Variants in TEX14 observed in about 807,000 individuals in gnomAD.
TEX14 encodes the protein testis expressed 14, intercellular bridge forming factor, also known as inactive serine/threonine-protein kinase TEX14.
In TEX14, 168 loss-of-function variants were observed where a neutral mutation model predicts 178.6. The observed-to-expected ratio is 0.94, with a 90% CI of 0.83 to 1.07. The LOEUF is 1.07. TEX14 is among the 50% of genes least tolerant of loss of function. TEX14 has a pLI of 0.00. For missense variants in TEX14, 1,730 were observed against 1,753.6 expected (o/e 0.99, Z 0.24); for synonymous variants, 626 against 634.1 (o/e 0.99, Z 0.19).
rs1475402027 is a variant in TEX14, at chr17:58,598,753, C to T, written c.2469+123G>A. 7.0e-6 allele frequency: 7 copies of T among 997,142 alleles called. No homozygotes were observed. The Admixed American group carries it at 9.2e-5, about 13-fold the overall frequency. The allele number at this position is 997,142 out of a possible 1,614,324, so 61.8% of individuals were successfully genotyped here. A position where few individuals can be genotyped will look rare whatever the true frequency, so the allele number is the denominator to read the frequency against. ...TGCCCCTTCCTCCCACTCAGGTTAC[C>T]TGATGGCTTATCTCTGACTGATCCC... is the stretch of plus-strand genomic sequence containing the variant. On this transcript the variant is annotated intron_variant, in intron 14 of 31. Transcript: ENST00000349033.
At chr17:58,624,282 GAC>G (rs1017536696) in intron 3 of TEX14, among the ~76,000 whole-genome samples, 12 of 151,656 alleles carry the variant, frequency 7.9e-5, no homozygotes, top group African/African-American at 2.7e-4. Context: ...GACAGAGCGA[GAC>G]TCTGAATACA....
At chr17:58,574,013 A>G (rs966027049) in intron 22 of TEX14, among the ~76,000 whole-genome samples, 174 bp downstream of exon 22, 1 of 152,210 alleles carries the variant, frequency 6.6e-6, no homozygotes, top group African/African-American at 2.4e-5. Context: ...GTAAGCTGCT[A>G]TTAGTTATAA....
At chr17:58,643,212 G>C (rs1191683423) in intron 2 of TEX14, among the ~76,000 whole-genome samples, 1 of 152,066 alleles carries the variant, frequency 6.6e-6, no homozygotes, top group Non-Finnish European at 1.5e-5. Flanking sequence ...CAATAAAGCT[G>C]GCCTGTATGT....
Position 58,559,483 on chromosome 17 carries a change from A to C in TEX14, c.4237T>G (p.Ser1413Ala). ...EDSITPERRK[S>A]EGVLGTSEED... ...TCAGAAGTCCCTAGAACACCCTCTGATTTCCTTCTTTCTGGTGTAATGCTA... is the reference window on the plus strand; with the variant it reads ...TCAGAAGTCCCTAGAACACCCTCTGCTTTCCTTCTTTCTGGTGTAATGCTA... Residue 1413 changes from serine to alanine, a missense_variant, in exon 30 of 32, where the codon TCA (serine) becomes GCA (alanine). Physicochemically the swap from Ser to Ala is moderately conservative, Grantham distance 99. Transcript: ENST00000349033. 1 of 1,527,282 alleles carries C rather than the reference A, an allele frequency of 6.5e-7. No individual in the cohort carries two copies. The highest frequency in any genetic ancestry group is 9.1e-7 in the Non-Finnish European group (1 of 1,102,968). 94.6% of individuals were successfully genotyped at this position (1,527,282 alleles called of 1,614,324 possible). A position where few individuals can be genotyped will look rare whatever the true frequency, so the allele number is the denominator to read the frequency against.
intron 1 of TEX14, among the ~76,000 whole-genome samples, chr17:58,659,121 G>A (rs1380836585): frequency 1.3e-5 from 2 of 149,970 alleles, no homozygotes; most frequent in African/African-American, 2.5e-5. Context: ...CAACACACAA[G>A]CCGTCTTTTA....
chr17:58,605,034 G>C lies in TEX14; in HGVS notation c.1280C>G (p.Ala427Gly), dbSNP rs150291630. 6.6e-5 allele frequency: 106 copies of C among 1,614,114 alleles called. No homozygotes were observed. The African/African-American group carries it at 1.3e-3, about 21-fold the overall frequency. Residue 427 changes from alanine (A) to glycine (G), a missense_variant, in exon 11 of 32, where the codon GCC becomes GGC. This residue lies in a region of TEX14 where 789 missense variants were observed against 681.2 expected (regional missense o/e 1.16). Coordinates refer to ENST00000349033, the MANE Select transcript of TEX14 (RefSeq NM_031272.5). ...GCTGTAGATGTCTGATTTCACTGTG[G>C]CTGCCTTCTGTAAGATCACTTCTGG... ...AAPEVILQKA[A>G]TVKSDIYSFS...
In TEX14 at chr17:58,602,537, A is replaced by G; in HGVS notation, c.1390T>C (p.Ser464Pro). 1 of 1,614,030 alleles carries G rather than the reference A, an allele frequency of 6.2e-7. No homozygotes were observed. Among genetic ancestry groups the G allele is most frequent in the Non-Finnish European group, 8.5e-7 (1 of 1,180,014 alleles). The change falls in exon 12 of 32, where the codon TCG (serine) becomes CCG (proline). Residue 464 changes from serine (S) to proline (P), a missense_variant. Ser to Pro is a moderately conservative substitution (Grantham distance 74). Transcript: ENST00000349033. ...DGSVVKKAVVSGNYLEADVRL... is the reference protein window; with the variant it reads ...DGSVVKKAVVPGNYLEADVRL... The stretch of plus-strand genomic sequence containing the variant: ...ACATCAGCTTCTAAATAATTCCCCG[A>G]GACTACGGCTTTTTTAACAACTGAG...
intron 1 of TEX14, among the ~76,000 whole-genome samples, chr17:58,686,421 G>A (rs1040943159): frequency 6.6e-5 from 10 of 152,136 alleles, no homozygotes; most frequent in Non-Finnish European, 1.3e-4. Context: ...TCTGGGAATG[G>A]GGTGAAGGTA....
rs1426572556 is a variant in TEX14, at chr17:58,562,537, C to T, written c.4065-925G>A. Reference sequence around the variant, plus strand: ...CTTTTTTTTTTTTGAGACAGTCTCGCTCTGTCGCCCAGGCTGGAGTGCAGC... The same window carrying T: ...CTTTTTTTTTTTTGAGACAGTCTCGTTCTGTCGCCCAGGCTGGAGTGCAGC... On this transcript the variant is annotated intron_variant, in intron 28 of 31. Transcript: ENST00000349033. 1.4e-4 allele frequency among the ~76,000 whole-genome samples: 22 copies of T among 152,024 alleles called. No homozygotes were observed. The East Asian group carries it at 4.3e-3, about 30-fold the overall frequency.
intron 8 of TEX14, among the ~76,000 whole-genome samples, chr17:58,614,092 G>A (rs890450160): frequency 6.6e-6 from 1 of 152,176 alleles, no homozygotes; most frequent in African/African-American, 2.4e-5. Flanking sequence ...TGACAATGTG[G>A]CCAAGAGCTC....
At chr17:58,587,168 G>A (rs2044997881) in intron 17 of TEX14, among the ~76,000 whole-genome samples, 1 of 152,032 alleles carries the variant, frequency 6.6e-6, no homozygotes, top group Admixed American at 6.6e-5. Flanking sequence ...TATGCTATAG[G>A]AACTTAACTC....
intron 15 of TEX14, 86 bp downstream of exon 15, chr17:58,593,469 G>T: frequency 9.9e-7 from 1 of 1,008,716 alleles, no homozygotes. Context: ...TTTGTCACTA[G>T]ACATAAGAAG....
intron 20 of TEX14, 69 bp downstream of exon 20, chr17:58,579,596 C>A (rs2044761604): frequency 7.4e-7 from 1 of 1,357,320 alleles, no homozygotes; most frequent in Admixed American, 1.7e-5. Flanking sequence ...CAGCTCTAAA[C>A]ATCTGTGATC....
At chr17:58,601,036 G>A (rs1047437042) in intron 13 of TEX14, among the ~76,000 whole-genome samples, 14 of 151,874 alleles carry the variant, frequency 9.2e-5, no homozygotes, top group African/African-American at 3.4e-4. Flanking sequence ...ACTGCTTGAG[G>A]CCAGGAGTTC....
intron 1 of TEX14, chr17:58,666,673 A>G (rs1396102344): frequency 7.9e-5 from 12 of 152,198 alleles, no homozygotes. Flanking sequence ...CCATAATCAC[A>G]GTATTTCTCC....
intron 25 of TEX14, 117 bp downstream of exon 25, chr17:58,570,268 A>T: frequency 1.7e-6 from 1 of 600,394 alleles, no homozygotes; most frequent in Non-Finnish European, 2.7e-6. Flanking sequence ...TTTTACTTTT[A>T]TAATCATGGG....
chr17:58,567,827 C>G (rs1217979202), intron 26 of TEX14: 2 of 152,206 alleles, frequency 1.3e-5, no homozygotes, highest in Non-Finnish European at 2.9e-5. Context: ...TGGGGTGCAG[C>G]AGCACCATAA....
intron 28 of TEX14, among the ~76,000 whole-genome samples, chr17:58,562,455 G>A (rs777438713): frequency 3.1e-4 from 47 of 152,140 alleles, no homozygotes; most frequent in Non-Finnish European, 5.9e-4. Flanking sequence ...TTTTGGAAGA[G>A]GAAGAGACAA....
chr17:58,602,664 G>A, intron 11 of TEX14, 74 bp from the exon 12 acceptor site: 1 of 1,257,172 alleles, frequency 8.0e-7, no homozygotes, highest in East Asian at 2.4e-5. Flanking sequence ...GAAATCAGAT[G>A]AAGCTGGGTA....
Sources: allele counts gnomAD v4.1 joint callset (sites outside exome capture counted in the v4.1 genomes callset), GRCh38; gene constraint gnomAD v4.1.1; regional missense constraint gnomAD v4.1.1; transcripts MANE v1.5; gene names NCBI Gene and HGNC (gene_info 2026-07-23, HGNC 2026-07-21).